Variants in MDN1 observed in about 807,000 individuals in gnomAD.
The protein encoded by MDN1 is midasin AAA ATPase 1, also known as midasin.
A neutral mutation model predicts 669.2 loss-of-function variants in MDN1; 266 were observed. The observed-to-expected ratio is 0.40, with a 90% confidence interval of 0.36 to 0.44. The LOEUF (loss-of-function observed/expected upper bound fraction) is 0.44. Among genes scored for constraint, MDN1 ranks in the 20% least tolerant of loss-of-function variants. The pLI, the probability that MDN1 is intolerant of heterozygous loss-of-function variation, is 1.00. For synonymous variants in MDN1, 2,385 were observed against 2,457.1 expected (o/e 0.97, Z 0.87); for missense variants, 5,940 against 6,754.0 (o/e 0.88, Z 4.22).
Position 89,674,199 on chromosome 6 carries a change from A to G in MDN1, c.13152T>C (p.Thr4384=). 1 of 1,614,272 alleles carries G rather than the reference A, an allele frequency of 6.2e-7. No individual in the cohort carries two copies. The highest frequency in any genetic ancestry group is 2.2e-5 in the East Asian group (1 of 44,884). Residue 4384 remains threonine (T), a synonymous_variant, in exon 79 of 102, where the codon ACT becomes ACC. Transcript: ENST00000369393. The part of the protein sequence containing the change: ...RKQDHLWQQS[T]TRLTEMLKTI... ...TTTTTAGCATCTCTGTTAATCTCGT[A>G]GTTGACTGTTGCCAAAGGTGATCCT...
chr6:89,723,214 T>G, intron 39 of MDN1, 71 bp from the exon 40 acceptor site: 2 of 1,424,262 alleles, frequency 1.4e-6, no homozygotes, highest in Non-Finnish European at 1.9e-6. Flanking sequence ...GTACTAGGAA[T>G]GTACTACAAA....
intron 98 of MDN1, 22 bp downstream of exon 98, chr6:89,648,234 A>G (rs759917054): frequency 1.9e-5 from 30 of 1,612,838 alleles, no homozygotes; most frequent in Non-Finnish European, 2.4e-5. Context: ...GTTTTCATAA[A>G]GGAATTACAA....
chr6:89,655,990 A>T, intron 91 of MDN1, 22 bp from the exon 92 acceptor site: 1 of 1,604,274 alleles, frequency 6.2e-7, no homozygotes, highest in South Asian at 1.1e-5. Flanking sequence ...AAGGAAATTC[A>T]TCAGAGCCTT....
At chr6:89,735,370 C>CT (rs775653908) in intron 33 of MDN1, among the ~76,000 whole-genome samples, 3,643 of 122,508 alleles carry the variant, frequency 0.03, 96 homozygotes, top group African/African-American at 0.068. Context: ...ATCACAGAAC[C>CT]TTTTTTTTTT....
In MDN1 at chr6:89,717,703, A is replaced by G. The variant is rs575960086; in HGVS notation, c.6583+663T>C. Among the ~76,000 whole-genome samples, 11 of 152,342 alleles carry G rather than the reference A, an allele frequency of 7.2e-5. No homozygotes were observed. In the South Asian group the frequency reaches 2.3e-3, roughly 32 times the overall value. Reference sequence around the variant, plus strand: ...AAATGACAGATCAAATCAACAATGAAGAAAGTAAATGAGTGGCCCACCGCC... The same window carrying G: ...AAATGACAGATCAAATCAACAATGAGGAAAGTAAATGAGTGGCCCACCGCC... On this transcript the variant is annotated intron_variant, in intron 43 of 101. Transcript: ENST00000369393.
chr6:89,692,625 G>A lies in MDN1; in HGVS notation c.10405C>T (p.Arg3469Ter), dbSNP rs1218138663. ...LCSVKSEEVL[R>*]GLGKLILKRS... ...TTGAGGATTAGCTTCCCAAGGCCTCGTAGAACCTCCTCAGACTTCACCGAG... is the reference window on the plus strand; with the variant it reads ...TTGAGGATTAGCTTCCCAAGGCCTCATAGAACCTCCTCAGACTTCACCGAG... The change falls in exon 63 of 102, where the codon CGA becomes TGA. Residue 3469 changes from arginine (R) to a stop codon, truncating the protein, a stop_gained. Coordinates refer to ENST00000369393, the MANE Select transcript of MDN1 (RefSeq NM_014611.3). LOFTEE classifies it high-confidence loss of function. The A allele has an allele frequency of 1.2e-6, 2 of 1,614,200 alleles. No homozygotes were observed. The highest frequency in any genetic ancestry group is 1.7e-6 in the Non-Finnish European group (2 of 1,180,030).
chr6:89,783,133 G>A (rs1318900434), intron 9 of MDN1, among the ~76,000 whole-genome samples: 1 of 152,176 alleles, frequency 6.6e-6, no homozygotes, highest in Non-Finnish European at 1.5e-5. Flanking sequence ...AGGTCTGACT[G>A]CCTGCAGGGT....
At chr6:89,665,332 T>C (rs577501709) in intron 84 of MDN1, among the ~76,000 whole-genome samples, 1 of 152,158 alleles carries the variant, frequency 6.6e-6, no homozygotes. Context: ...CAGCCTAATT[T>C]ATATGTTTCT....
chr6:89,676,831 C>T (rs1312975575), intron 76 of MDN1, among the ~76,000 whole-genome samples: 1 of 152,154 alleles, frequency 6.6e-6, no homozygotes, highest in Non-Finnish European at 1.5e-5. Context: ...TCACAACATC[C>T]TCTGCTGTGT....
rs115195649 is a variant in MDN1, at chr6:89,677,580, C to A, written c.12529G>T (p.Ala4177Ser). The A allele has an allele frequency of 3.7e-6, 6 of 1,614,000 alleles. No individual in the cohort carries two copies. In the East Asian group the frequency reaches 1.3e-4, roughly 36 times the overall value. ...ALSIVSSTQEADSRLLTEISS... is the reference protein window; with the variant it reads ...ALSIVSSTQESDSRLLTEISS... ...CAAAAACAGACAAACCTAGAATCAG[C>A]CTCCTGAGTGCTGCTGACGATGGAC... The change falls in exon 76 of 102, where the codon GCT becomes TCT. Residue 4177 changes from alanine (A) to serine (S), a missense_variant. Ala to Ser is a moderately conservative substitution (Grantham distance 99). Around this residue, in one of 5 missense-constraint regions of MDN1, gnomAD observed 2,280 missense variants for 2,576.3 expected, o/e 0.88. Transcript: ENST00000369393.
intron 75 of MDN1, 64 bp downstream of exon 75, chr6:89,678,535 C>A: frequency 1.9e-6 from 3 of 1,556,714 alleles, no homozygotes; most frequent in South Asian, 2.4e-5. Flanking sequence ...CAAAATCAGT[C>A]ATGTCATTTC....
chr6:89,668,331 G>A (rs1447833636), intron 83 of MDN1, among the ~76,000 whole-genome samples, 180 bp from the exon 84 acceptor site: 2 of 152,202 alleles, frequency 1.3e-5, no homozygotes, highest in African/African-American at 4.8e-5. Context: ...GGTGCTAATA[G>A]TTATGCAGTT....
In MDN1 at chr6:89,725,097, A is replaced by G. The variant is rs1815130766; in HGVS notation, c.5670+102T>C. On this transcript the variant is annotated intron_variant, in intron 38 of 101. Coordinates refer to ENST00000369393, the MANE Select transcript of MDN1 (RefSeq NM_014611.3). ...GACAAGAAAGAGGATCATTAAGCTG[A>G]TCCTCTCTAATTCTCATAGTGAATA... The G allele has an allele frequency of 3.8e-6, 4 of 1,061,846 alleles. No individual in the cohort carries two copies. In the African/African-American group the frequency reaches 6.3e-5, roughly 17 times the overall value. 65.8% of individuals were successfully genotyped at this position (1,061,846 alleles called of 1,614,324 possible). A position where few individuals can be genotyped will look rare whatever the true frequency, so the allele number is the denominator to read the frequency against.
At chr6:89,814,384 CTT>C (rs35652654) in intron 1 of MDN1, among the ~76,000 whole-genome samples, 15 of 137,870 alleles carry the variant, frequency 1.1e-4, no homozygotes, top group Admixed American at 1.5e-4. Context: ...AATCCCCCTC[CTT>C]TTTTTTTTTT....
At chr6:89,645,194 G>T (rs762328330) in intron 100 of MDN1, 37 bp from the exon 101 acceptor site, 3 of 1,561,016 alleles carry the variant, frequency 1.9e-6, no homozygotes, top group South Asian at 1.1e-5. Context: ...GGAATAAAAT[G>T]AACAGCCATT....
intron 2 of MDN1, among the ~76,000 whole-genome samples, chr6:89,798,199 A>G (rs1376377456): frequency 3.8e-4 from 57 of 150,724 alleles, no homozygotes; most frequent in Non-Finnish European, 4.7e-4. Flanking sequence ...AAAAAAAAAA[A>G]AAAGAAAGAA....
intron 12 of MDN1, among the ~76,000 whole-genome samples, chr6:89,775,295 T>C (rs1182744337): frequency 6.6e-6 from 1 of 152,198 alleles, no homozygotes; most frequent in African/African-American, 2.4e-5. Context: ...GGATGAATAT[T>C]GGTGGAATGA....
rs1264636902 is a variant in MDN1 at position 89,781,424 on chromosome 6, G to A, written c.1618C>T (p.Leu540Phe). 2 of 1,614,014 alleles carry A rather than the reference G, an allele frequency of 1.2e-6. No homozygotes were observed. Among genetic ancestry groups the A allele is most frequent in the Non-Finnish European group, 1.7e-6 (2 of 1,179,968 alleles). Residue 540 changes from leucine to phenylalanine, a missense_variant, in exon 10 of 102, where the codon CTT becomes TTT. By Grantham distance (22) the Leu-to-Phe change is conservative. Coordinates refer to ENST00000369393, the MANE Select transcript of MDN1 (RefSeq NM_014611.3). ...EARRENKRPT[L>F]EGRELSLRDL... is the part of the protein sequence containing the mutation. ...CTTAGAGATAATTCTCTTCCCTCAAGGGTTGGTCTTTTGTTTTCTCTTCTG... is the reference window on the plus strand; with the variant it reads ...CTTAGAGATAATTCTCTTCCCTCAAAGGTTGGTCTTTTGTTTTCTCTTCTG...
chr6:89,723,638 T>G lies in MDN1; in HGVS notation c.5671-19A>C, dbSNP rs1033365067. 1.4e-6 allele frequency: 2 copies of G among 1,395,886 alleles called. No homozygotes were observed. Among genetic ancestry groups the G allele is most frequent in the African/African-American group, 2.9e-5 (2 of 68,210 alleles). 86.5% of individuals were successfully genotyped at this position (1,395,886 alleles called of 1,614,324 possible). On this transcript the variant is annotated intron_variant, in intron 38 of 101. Transcript: ENST00000369393. ...CGAAGACCTAGAAATCCAAAAATAA[T>G]ATGAAGAAATGCCTTTGTTTCTCTT...
Sources: gnomAD v4.1 joint callset for allele counts (sites outside exome capture counted in the v4.1 genomes callset) on GRCh38, gnomAD v4.1.1 for gene constraint, gnomAD v4.1.1 regional missense constraint, MANE v1.5 for transcripts, NCBI Gene and HGNC (gene_info 2026-07-23, HGNC 2026-07-21) for gene names.